SLC3A1: variants seen among roughly 807,000 people sequenced by gnomAD.
The protein encoded by SLC3A1 is solute carrier family 3 member 1.
A neutral mutation model predicts 60.3 loss-of-function variants in SLC3A1; 78 were observed. That is an observed-to-expected ratio of 1.29 (90% CI 1.08 to 1.56). The LOEUF is 1.56. SLC3A1 is among the 40% of genes most tolerant of loss of function. The pLI is 0.00. For missense variants in SLC3A1, 1,172 were observed against 858.9 expected, an observed-to-expected ratio of 1.36 and a Z score of -4.56; for synonymous variants, 392 against 307.9, an observed-to-expected ratio of 1.27 and a Z score of -2.86.
chr2:44,318,243 A>C (rs1672602438), intron 9 of SLC3A1: 1 of 328,162 alleles, frequency 3.0e-6, no homozygotes, highest in African/African-American at 2.3e-5. Context: ...GGTGCACGTC[A>C]TTATGCCCGG....
At chr2:44,303,245 A>ATT (rs113167902) in intron 6 of SLC3A1, among the ~76,000 whole-genome samples, 83,488 of 136,384 alleles carry the variant, frequency 0.61, 26,032 homozygotes, top group Non-Finnish European at 0.67. Context: ...CTGAGATCCA[A>ATT]TTTTTTTTTT....
chr2:44,278,365 G>A (rs928958653), intron 1 of SLC3A1, among the ~76,000 whole-genome samples: 6 of 152,024 alleles, frequency 3.9e-5, no homozygotes, highest in African/African-American at 9.7e-5. Flanking sequence ...GGAGAATGGC[G>A]TGAACCCAGG....
intron 4 of SLC3A1, among the ~76,000 whole-genome samples, chr2:44,298,541 CTAAT>C (rs1671915417): frequency 6.6e-6 from 1 of 152,212 alleles, no homozygotes; most frequent in Non-Finnish European, 1.5e-5. Context: ...CCATGCCCAA[CTAAT>C]TTTTGTATGT....
intron 7 of SLC3A1, among the ~76,000 whole-genome samples, chr2:44,309,791 GT>G (rs1365262162): frequency 2.0e-5 from 3 of 152,186 alleles, no homozygotes; most frequent in African/African-American, 4.8e-5. Flanking sequence ...TAGAAATGGG[GT>G]TTTACCATGT....
intron 4 of SLC3A1, among the ~76,000 whole-genome samples, chr2:44,293,551 C>A (rs763878975): frequency 6.6e-6 from 1 of 151,902 alleles, no homozygotes; most frequent in Non-Finnish European, 1.5e-5. Context: ...GGACACGGAG[C>A]TCAGGGAAAA....
Position 44,286,103 on chromosome 2 carries a change from G to GAAAGAGC in SLC3A1, c.840_846dup (p.Pro283ArgfsTer4). The GAAAGAGC allele has an allele frequency of 6.2e-7, 1 of 1,614,036 alleles. No homozygotes were observed. Among genetic ancestry groups the GAAAGAGC allele is most frequent in the South Asian group, 1.1e-5 (1 of 91,084 alleles). On this transcript the variant is annotated frameshift_variant, in exon 4 of 10. Coordinates refer to ENST00000260649, the MANE Select transcript of SLC3A1 (RefSeq NM_000341.4). LOFTEE classifies it high-confidence loss of function. ...ACCAATGTTATTTTCATCAGTTTAT[G>GAAAGAGC]AAAGAGCAACCTGATTTAAATTTCC...
chr2:44,302,025 A>C (rs926818672), intron 6 of SLC3A1, among the ~76,000 whole-genome samples: 1 of 152,254 alleles, frequency 6.6e-6, no homozygotes. Flanking sequence ...ACTGTGCTCC[A>C]GTCTGGGCAA....
rs368330040 is a variant in SLC3A1, at chr2:44,310,730, C to A, written c.1333-1856C>A. On this transcript the variant is annotated intron_variant, in intron 7 of 9. Coordinates refer to ENST00000260649, the MANE Select transcript of SLC3A1 (RefSeq NM_000341.4). ...ATATTGTTTCTGACCATTTCTCTTC[C>A]TTCTCTCCTTTTGAGACTCCCATTA... Among the ~76,000 whole-genome samples the A allele has an allele frequency of 1.1e-4, 16 of 151,212 alleles. No homozygotes were observed. The South Asian group carries it at 2.3e-3, about 22-fold the overall frequency.
chr2:44,321,892 T>C (rs1672995135), downstream of SLC3A1: 4 of 1,612,970 alleles, frequency 2.5e-6, no homozygotes, highest in Non-Finnish European at 2.5e-6. Context: ...ATATTAGGGG[T>C]CTGATAGCCT....
intron 7 of SLC3A1, among the ~76,000 whole-genome samples, chr2:44,308,231 C>T (rs1672206719): frequency 6.6e-6 from 1 of 152,246 alleles, no homozygotes; most frequent in African/African-American, 2.4e-5. Context: ...TATGCCTGAA[C>T]ACCCTGAGTT....
At chr2:44,286,642 C>CTGTCTGTGACGGTGAGCTGTGCGG (rs1558456011) in intron 4 of SLC3A1, among the ~76,000 whole-genome samples, 1 of 140,778 alleles carries the variant, frequency 7.1e-6, no homozygotes, top group Admixed American at 7.0e-5. Context: ...GAGCTGTGCA[C>CTGTCTGTGACGGTGAGCTGTGCGG]TGTCTGTGAC....
chr2:44,320,153 A>G (rs1224258991), intron 9 of SLC3A1, 46 bp from the exon 10 acceptor site: 10 of 1,485,358 alleles, frequency 6.7e-6, no homozygotes, highest in African/African-American at 1.4e-5. Context: ...CTTACAAACA[A>G]TTCTTAGAAT....
chr2:44,288,206 T>G (rs1242449514), intron 4 of SLC3A1, among the ~76,000 whole-genome samples: 1 of 152,070 alleles, frequency 6.6e-6, no homozygotes, highest in Non-Finnish European at 1.5e-5. Flanking sequence ...TTTGTATTTT[T>G]GTAGAGACAG....
At position 44,275,945 on chromosome 2, in the gene SLC3A1, A is replaced by G. The variant is rs2104326294; in HGVS notation, c.410A>G (p.Asp137Gly). 2 of 1,614,180 alleles carry G rather than the reference A, an allele frequency of 1.2e-6. No homozygotes were observed. The highest frequency in any genetic ancestry group is 1.7e-6 in the Non-Finnish European group (2 of 1,180,008). Reference sequence around the variant, plus strand: ...AGGTCTTTCAAGGACAGTAACAAGGATGGGAACGGAGATCTGAAAGGTACA... The same window carrying G: ...AGGTCTTTCAAGGACAGTAACAAGGGTGGGAACGGAGATCTGAAAGGTACA... ...YPRSFKDSNK[D>G]GNGDLKGIQD... Residue 137 changes from aspartate to glycine, a missense_variant, in exon 1 of 10, where the codon GAT becomes GGT. Physicochemically the swap from Asp to Gly is moderately conservative, Grantham distance 94. Transcript: ENST00000260649.
At chr2:44,300,621 A>T (rs1269230754) in intron 5 of SLC3A1, among the ~76,000 whole-genome samples, 1 of 152,200 alleles carries the variant, frequency 6.6e-6, no homozygotes, top group Non-Finnish European at 1.5e-5. Context: ...ATTTAAGTGC[A>T]TGATGTTAAT....
intron 5 of SLC3A1, 110 bp downstream of exon 5, chr2:44,300,200 C>T (rs1305284704): frequency 9.4e-7 from 1 of 1,061,686 alleles, no homozygotes. Flanking sequence ...TGTCCTGTGT[C>T]TAGCAAGTAC....
chr2:44,296,969 G>A (rs1031698606), intron 4 of SLC3A1, among the ~76,000 whole-genome samples: 1 of 152,136 alleles, frequency 6.6e-6, no homozygotes, highest in East Asian at 1.9e-4. Flanking sequence ...CCATGATTGT[G>A]AGGCCTCCCC....
At chr2:44,276,269 T>C (rs1366111075) in intron 1 of SLC3A1, among the ~76,000 whole-genome samples, 1 of 152,218 alleles carries the variant, frequency 6.6e-6, no homozygotes, top group African/African-American at 2.4e-5. Context: ...GCAGCCTTCC[T>C]TCTAAAATCT....
At position 44,281,376 on chromosome 2, in the gene SLC3A1, T is replaced by C; in HGVS notation, c.611-11T>C. On this transcript the variant is annotated splice_polypyrimidine_tract_variant and intron_variant, in intron 2 of 9. Coordinates refer to ENST00000260649, the MANE Select transcript of SLC3A1 (RefSeq NM_000341.4). Reference sequence around the variant, plus strand: ...CTTTCCCTAGCATTTGAAATGTCTTTTACTCATTAGGTTTAAAATTAATCA... The same window carrying C: ...CTTTCCCTAGCATTTGAAATGTCTTCTACTCATTAGGTTTAAAATTAATCA... 6.2e-7 allele frequency: 1 copy of C among 1,605,224 alleles called. No homozygotes were observed. Among genetic ancestry groups the C allele is most frequent in the Admixed American group, 1.7e-5 (1 of 59,944 alleles).
Sources: allele counts gnomAD v4.1 joint callset (sites outside exome capture counted in the v4.1 genomes callset), GRCh38; gene constraint gnomAD v4.1.1; transcripts MANE v1.5; gene names NCBI Gene and HGNC (gene_info 2026-07-23, HGNC 2026-07-21).